The following KCTD1 variants were observed in gnomAD, a reference collection of about 807,000 sequenced individuals.
KCTD1 encodes the protein potassium channel tetramerization domain containing 1.
KCTD1 carries 24 observed loss-of-function variants against 66.0 expected under a neutral mutation model. The observed-to-expected ratio is 0.36, with a 90% CI of 0.26 to 0.51. KCTD1 has a LOEUF of 0.51. Ranked by LOEUF, KCTD1 falls within the 20% of genes least tolerant of loss-of-function variation. The pLI is 0.95. For missense variants in KCTD1, 943 were observed against 1,205.2 expected, an observed-to-expected ratio of 0.78 and a Z score of 3.22; for synonymous variants, 511 against 517.2, an observed-to-expected ratio of 0.99 and a Z score of 0.16.
intron 1 of KCTD1, among the ~76,000 whole-genome samples, chr18:26,628,478 C>T (rs996406213): frequency 2.0e-5 from 3 of 151,966 alleles, no homozygotes; most frequent in Admixed American, 6.6e-5. Context: ...AACTTCATTA[C>T]AGCTCAACCA....
At chr18:26,629,716 C>T (rs927767437), upstream of KCTD1, among the ~76,000 whole-genome samples, 19 of 114,124 alleles carry the variant, frequency 1.7e-4, no homozygotes, top group African/African-American at 7.9e-4. Context: ...AGAGATTGAC[C>T]CCCCCGCCTT....
intron 1 of KCTD1, among the ~76,000 whole-genome samples, chr18:26,567,546 G>A (rs1986012507): frequency 1.3e-5 from 2 of 149,726 alleles, no homozygotes; most frequent in East Asian, 4.0e-4. Context: ...AGAGTGCAGT[G>A]GCATGATCTC....
At chr18:26,599,854 A>C (rs1986849517) in intron 1 of KCTD1, 12 of 1,554,514 alleles carry the variant, frequency 7.7e-6, no homozygotes, top group Non-Finnish European at 1.1e-5. Context: ...TGGTCATGAA[A>C]GTGACAGCCT....
At chr18:26,578,256 A>AT (rs1212983040) in intron 1 of KCTD1, among the ~76,000 whole-genome samples, 1 of 151,806 alleles carries the variant, frequency 6.6e-6, no homozygotes, top group African/African-American at 2.4e-5. Context: ...AGTAATATCA[A>AT]TGTCCTTCTA....
chr18:26,541,793 G>C (rs1984985967), intron 1 of KCTD1, among the ~76,000 whole-genome samples: 1 of 152,112 alleles, frequency 6.6e-6, no homozygotes, highest in African/African-American at 2.4e-5. Flanking sequence ...TTGCTGTAGT[G>C]TATCTCGAAC....
intron 1 of KCTD1, among the ~76,000 whole-genome samples, chr18:26,530,935 C>A (rs951909796): frequency 2.6e-5 from 4 of 152,248 alleles, no homozygotes; most frequent in Non-Finnish European, 5.9e-5. Flanking sequence ...GATCAAGTAA[C>A]CTTAAAATGT....
At chr18:26,554,183 G>GA (rs1163046037) in intron 1 of KCTD1, among the ~76,000 whole-genome samples, 1 of 133,798 alleles carries the variant, frequency 7.5e-6, no homozygotes, top group Non-Finnish European at 1.6e-5. Flanking sequence ...AAGAAGGAAG[G>GA]AAAAAAGAAA....
At chr18:26,491,665 G>A (rs1412314279) in intron 2 of KCTD1, among the ~76,000 whole-genome samples, 5 of 152,186 alleles carry the variant, frequency 3.3e-5, no homozygotes, top group East Asian at 1.9e-4. Context: ...TTTTGTTCAC[G>A]GCAGGAAGTG....
intron 1 of KCTD1, among the ~76,000 whole-genome samples, chr18:26,651,179 G>A (rs1227350474): frequency 3.9e-5 from 6 of 152,174 alleles, no homozygotes; most frequent in African/African-American, 7.2e-5. Context: ...AGGTGGGGGC[G>A]AAGAGAGAAC....
intron 1 of KCTD1, among the ~76,000 whole-genome samples, chr18:26,524,391 C>G (rs1984058868): frequency 6.6e-6 from 1 of 152,186 alleles, no homozygotes; most frequent in African/African-American, 2.4e-5. Flanking sequence ...AATTCAAGGT[C>G]TGTTTTATTT....
intron 3 of KCTD1, among the ~76,000 whole-genome samples, chr18:26,472,586 G>A (rs1003801801): frequency 6.6e-6 from 1 of 152,108 alleles, no homozygotes; most frequent in Non-Finnish European, 1.5e-5. Context: ...GTAAGAAATT[G>A]TTCCCCCACC....
intron 1 of KCTD1, among the ~76,000 whole-genome samples, chr18:26,517,954 A>G (rs908156013): frequency 2.0e-5 from 3 of 152,216 alleles, no homozygotes; most frequent in African/African-American, 4.8e-5. Context: ...GGTCCCCCCA[A>G]GTCCCCCAAC....
rs576681844 is a variant in KCTD1 at position 26,490,369 on chromosome 18, A to G, written c.1988+10703T>C. Among the ~76,000 whole-genome samples the G allele has an allele frequency of 5.3e-5, 8 of 152,342 alleles. No homozygotes were observed. The South Asian group carries it at 1.7e-3, about 32-fold the overall frequency. ...TGACCCTGACACAGGGGGATTAGGG[A>G]AAAGCTATCAATTGGAGGAAAGCAT... On this transcript the variant is annotated intron_variant, in intron 2 of 4. Coordinates refer to ENST00000580059, the MANE Select transcript of KCTD1 (RefSeq NM_001142730.3).
At chr18:26,646,613 A>G (rs1987931078) in intron 1 of KCTD1, among the ~76,000 whole-genome samples, 1 of 152,250 alleles carries the variant, frequency 6.6e-6, no homozygotes, top group Non-Finnish European at 1.5e-5. Flanking sequence ...CAATGAAAAA[A>G]AAGTGTGACT....
intron 2 of KCTD1, among the ~76,000 whole-genome samples, chr18:26,482,778 G>A (rs1048675453): frequency 6.6e-6 from 1 of 152,196 alleles, no homozygotes; most frequent in African/African-American, 2.4e-5. Context: ...TAATTACAGA[G>A]GGAGGGCTCA....
At chr18:26,465,116 T>C (rs1980651589) in intron 3 of KCTD1, among the ~76,000 whole-genome samples, 1 of 152,088 alleles carries the variant, frequency 6.6e-6, no homozygotes, top group Non-Finnish European at 1.5e-5. Context: ...GGAGTTTCTC[T>C]CTCCTTGTCC....
At position 26,547,907 on chromosome 18, in the gene KCTD1, G is replaced by T. The variant is rs988509761; in HGVS notation, c.630C>A (p.Ser210=). ...DKGALCRVLR[S]FYAEARSKSG... is the part of the protein sequence containing the mutation. ...TTTTGGAGCGGGCCTCGGCATAGAA[G>T]GAGCGCAGCACGCGGCACAGCGCCC... is the stretch of plus-strand genomic sequence containing the variant. The change falls in exon 1 of 5, where the codon TCC becomes TCA. Residue 210 remains serine, a synonymous_variant. Transcript: ENST00000580059. 1.3e-6 allele frequency: 2 copies of T among 1,543,694 alleles called. No homozygotes were observed. Among genetic ancestry groups the T allele is most frequent in the African/African-American group, 1.4e-5 (1 of 73,056 alleles).
intron 1 of KCTD1, among the ~76,000 whole-genome samples, chr18:26,591,724 T>C (rs1010314162): frequency 2.7e-4 from 41 of 152,166 alleles, no homozygotes; most frequent in Non-Finnish European, 6.0e-4. Flanking sequence ...CCTAAGGCAA[T>C]CAAATAAACA....
At chr18:26,623,392 A>C (rs948988057) in intron 1 of KCTD1, among the ~76,000 whole-genome samples, 3 of 152,128 alleles carry the variant, frequency 2.0e-5, no homozygotes, top group Non-Finnish European at 2.9e-5. Context: ...CCCACGATAC[A>C]CACGTGTCAT....
Sources: allele counts gnomAD v4.1 joint callset (sites outside exome capture counted in the v4.1 genomes callset), GRCh38; gene constraint gnomAD v4.1.1; transcripts MANE v1.5; gene names NCBI Gene and HGNC (gene_info 2026-07-23, HGNC 2026-07-21).